PIGS: variants seen among roughly 807,000 people sequenced by gnomAD.
PIGS encodes phosphatidylinositol glycan anchor biosynthesis class S, also known as GPI-anchor transamidase component PIGS.
PIGS carries 37 observed loss-of-function variants against 58.2 expected under a neutral mutation model. The observed-to-expected ratio is 0.64, with a 90% CI of 0.49 to 0.84. The LOEUF (loss-of-function observed/expected upper bound fraction) is 0.84. Ranked by LOEUF, PIGS falls within the 40% of genes least tolerant of loss-of-function variation. The probability of loss-of-function intolerance (pLI) is 0.00; values close to 1 mark genes in which losing one functional copy is unlikely to be tolerated. For missense variants in PIGS, 629 were observed against 710.8 expected (o/e 0.88, Z 1.31); for synonymous variants, 269 against 289.2 (o/e 0.93, Z 0.71).
rs1410633827 is a variant in PIGS at position 28,553,753 on chromosome 17, G to C, written c.*467C>G. 5.6e-6 allele frequency: 1 copy of C among 178,222 alleles called. No homozygotes were observed. Among genetic ancestry groups the C allele is most frequent in the Admixed American group, 5.4e-5 (1 of 18,374 alleles). 11.0% of individuals were successfully genotyped at this position (178,222 alleles called of 1,614,324 possible). A position where few individuals can be genotyped will look rare whatever the true frequency, so the allele number is the denominator to read the frequency against. ...CAGACAAAGCCAACTAGGAGGGAGG[G>C]GAGTGAGGGAGAAGGTCCCACAGGT... On this transcript the variant is annotated 3_prime_UTR_variant, in exon 12 of 12. Coordinates refer to ENST00000308360, the MANE Select transcript of PIGS (RefSeq NM_033198.4).
intron 6 of PIGS, among the ~76,000 whole-genome samples, chr17:28,560,784 T>A (rs971228375): frequency 6.0e-5 from 9 of 150,086 alleles, no homozygotes; most frequent in East Asian, 2.0e-4. Context: ...CAAAAAAAAA[T>A]AAAATAAAAA....
intron 6 of PIGS, 58 bp downstream of exon 6, chr17:28,561,364 C>T (rs1567615958): frequency 1.9e-6 from 3 of 1,568,106 alleles, no homozygotes; most frequent in Non-Finnish European, 2.6e-6. Flanking sequence ...GCAGATTTCC[C>T]TCCTGCCCCA....
At chr17:28,560,372 T>C (rs1300831059) in intron 6 of PIGS, 181 bp from the exon 7 acceptor site, 5 of 654,334 alleles carry the variant, frequency 7.6e-6, no homozygotes, top group South Asian at 6.4e-5. Flanking sequence ...TGCCGGGCGC[T>C]GTGGCTCATG....
At chr17:28,561,947 G>C in intron 5 of PIGS, 1 of 286,016 alleles carries the variant, frequency 3.5e-6, no homozygotes, top group Non-Finnish European at 6.5e-6. Context: ...CAGACAACTG[G>C]AGAGTCTGAT....
At chr17:28,563,999 A>G in intron 3 of PIGS, 92 bp from the exon 4 acceptor site, 1 of 1,079,556 alleles carries the variant, frequency 9.3e-7, no homozygotes, top group Non-Finnish European at 1.4e-6. Context: ...ATCTGAGGAC[A>G]GCAAGATGGC....
Position 28,560,086 on chromosome 17 carries a change from G to A in PIGS, c.782C>T (p.Ala261Val), listed in dbSNP as rs571301015. ...AGAGAAGTTGCCAGCGGCACCGAGG[G>A]CATTCAGGAAAGGTTGCACATAGCG... ...VRRYVQPFLN[A>V]LGAAGNFSVD... Residue 261 changes from alanine (A) to valine (V), a missense_variant, in exon 7 of 12, where the codon GCC (alanine) becomes GTC (valine). Coordinates refer to ENST00000308360, the MANE Select transcript of PIGS (RefSeq NM_033198.4). The A allele has an allele frequency of 1.1e-5, 18 of 1,612,452 alleles. No homozygotes were observed. The African/African-American group carries it at 2.3e-4, about 20-fold the overall frequency.
chr17:28,571,297 G>A, intron 1 of PIGS, 109 bp from the exon 2 acceptor site: 1 of 1,525,278 alleles, frequency 6.6e-7, no homozygotes, highest in South Asian at 1.2e-5. Context: ...CGCGTTCATT[G>A]GGATCTCCGT....
At chr17:28,560,326 CA>C in intron 6 of PIGS, 135 bp from the exon 7 acceptor site, 3 of 1,099,856 alleles carry the variant, frequency 2.7e-6, no homozygotes, top group Non-Finnish European at 3.9e-6. Context: ...AAAAGGAGGA[CA>C]AAACTGGGAT....
At chr17:28,571,438 G>GC (rs558255874) in intron 1 of PIGS, 25 bp downstream of exon 1, 1 of 1,608,602 alleles carries the variant, frequency 6.2e-7, no homozygotes, top group South Asian at 1.1e-5. Flanking sequence ...CTAGCTGCAG[G>GC]CCCCCCACCC....
chr17:28,555,213 C>T lies in PIGS; in HGVS notation c.1182-152G>A, dbSNP rs1429834175. 1.0e-5 allele frequency: 7 copies of T among 697,464 alleles called. No homozygotes were observed. The East Asian group carries it at 2.0e-4, about 20-fold the overall frequency. The allele number at this position is 697,464 out of a possible 1,614,324, so 43.2% of individuals were successfully genotyped here. On this transcript the variant is annotated intron_variant, in intron 10 of 11. Transcript: ENST00000308360. ...GGGAAGTACCTCAGGGTCTTGGGGG[C>T]ATAAGGGGCAACACCAAACAAGTTG...
In PIGS at chr17:28,554,146, A is replaced by G. The variant is rs2070309075; in HGVS notation, c.*74T>C. On this transcript the variant is annotated 3_prime_UTR_variant, in exon 12 of 12. Coordinates refer to ENST00000308360, the MANE Select transcript of PIGS (RefSeq NM_033198.4). ...TATTTAAGTCATTCCGGCAGGCCCC[A>G]TGTACGTGCCTCACAATCTAACACC... The G allele has an allele frequency of 5.8e-6, 9 of 1,552,120 alleles. No homozygotes were observed. The highest frequency in any genetic ancestry group is 6.1e-6 in the Non-Finnish European group (7 of 1,142,118).
intron 1 of PIGS, 49 bp downstream of exon 1, chr17:28,571,414 T>C: frequency 6.2e-7 from 1 of 1,600,456 alleles, no homozygotes; most frequent in Non-Finnish European, 8.5e-7. Context: ...CTGCTATTCC[T>C]CCCTTGCCAT....
At chr17:28,563,221 A>G (rs1460271476) in intron 5 of PIGS, among the ~76,000 whole-genome samples, 6 of 151,900 alleles carry the variant, frequency 3.9e-5, no homozygotes, top group Admixed American at 3.9e-4. Flanking sequence ...TGAACCCGGG[A>G]GGCGGAGGCT....
chr17:28,567,846 G>C (rs1298372049), intron 3 of PIGS, among the ~76,000 whole-genome samples: 1 of 152,166 alleles, frequency 6.6e-6, no homozygotes, highest in East Asian at 1.9e-4. Context: ...CACTGCTCCT[G>C]AAAGGTACAA....
At chr17:28,562,953 G>A (rs544203919) in intron 5 of PIGS, among the ~76,000 whole-genome samples, 3 of 152,172 alleles carry the variant, frequency 2.0e-5, no homozygotes, top group South Asian at 4.2e-4. Flanking sequence ...TGCCCGCCTC[G>A]GCCTCCCAAA....
intron 8 of PIGS, 57 bp downstream of exon 8, chr17:28,558,419 G>A (rs576396506): frequency 1.6e-5 from 23 of 1,412,524 alleles, no homozygotes; most frequent in South Asian, 1.4e-4. Context: ...CAGCTGAGCC[G>A]TCAGGGTCCC....
At chr17:28,561,717 C>G (rs2070366000) in intron 5 of PIGS, 88 bp from the exon 6 acceptor site, 1 of 1,361,160 alleles carries the variant, frequency 7.3e-7, no homozygotes, top group Non-Finnish European at 1.0e-6. Flanking sequence ...GAATCTGCCC[C>G]TTTGCCAATG....
intron 3 of PIGS, among the ~76,000 whole-genome samples, chr17:28,569,096 TC>T (rs1276705484): frequency 1.2e-5 from 1 of 86,842 alleles, no homozygotes; most frequent in Non-Finnish European, 2.2e-5. Context: ...AAACTCCATC[TC>T]AAAAAAAAAA....
rs759024499 is a variant in PIGS, at chr17:28,556,237, A to C, written c.1110T>G (p.Asn370Lys). ...CGACTCTCACTGGCAGCACTGAGGC[A>C]TTATAGGTTTTGGAGTCAACATTAT... Reference protein sequence around the residue: ...MVYNVDSKTYNASVLPVRVEV... With the variant: ...MVYNVDSKTYKASVLPVRVEV... The change falls in exon 10 of 12, where the codon AAT becomes AAG. Residue 370 changes from asparagine (N) to lysine (K), a missense_variant. Physicochemically the swap from Asn to Lys is moderately conservative, Grantham distance 94 (BLOSUM62 0). Coordinates refer to ENST00000308360, the MANE Select transcript of PIGS (RefSeq NM_033198.4). 1 of 1,613,668 alleles carries C rather than the reference A, an allele frequency of 6.2e-7. No homozygotes were observed. The highest frequency in any genetic ancestry group is 1.1e-5 in the South Asian group (1 of 91,078).
Sources: allele counts gnomAD v4.1 joint callset (sites outside exome capture counted in the v4.1 genomes callset), GRCh38; gene constraint gnomAD v4.1.1; transcripts MANE v1.5; gene names NCBI Gene and HGNC (gene_info 2026-07-23, HGNC 2026-07-21).